AOPEP: variants seen among roughly 807,000 people sequenced by gnomAD.
The protein encoded by AOPEP is aminopeptidase O (putative), also known as aminopeptidase O.
AOPEP carries 77 observed loss-of-function variants against 98.1 expected under a neutral mutation model. The ratio of observed to expected loss-of-function variants is 0.78; its 90% CI spans 0.65 to 0.95. AOPEP has a LOEUF of 0.95. Among genes scored for constraint, AOPEP ranks in the 40% least tolerant of loss-of-function variants. The probability of loss-of-function intolerance (pLI) is 0.00; values close to 1 mark genes in which losing one functional copy is unlikely to be tolerated. For missense variants in AOPEP, 1,024 were observed against 1,024.7 expected, an observed-to-expected ratio of 1.00 and a Z score of 0.01; for synonymous variants, 346 against 365.3, an observed-to-expected ratio of 0.95 and a Z score of 0.60.
At chr9:94,997,309 C>A (rs1234225922) in intron 11 of AOPEP, among the ~76,000 whole-genome samples, 2 of 152,172 alleles carry the variant, frequency 1.3e-5, no homozygotes, top group Non-Finnish European at 2.9e-5. Context: ...ACCACCAGCC[C>A]ATCCTGCCCA....
intron 5 of AOPEP, among the ~76,000 whole-genome samples, chr9:94,817,675 G>A (rs1422816053): frequency 1.3e-5 from 2 of 152,202 alleles, no homozygotes; most frequent in African/African-American, 4.8e-5. Context: ...GTAAAAGTTG[G>A]GAACAGAAGT....
intron 7 of AOPEP, among the ~76,000 whole-genome samples, chr9:94,944,941 C>T (rs1243733011): frequency 1.3e-5 from 2 of 152,114 alleles, no homozygotes; most frequent in Non-Finnish European, 2.9e-5. Context: ...TGATGGAAAT[C>T]ATTTAATGTT....
chr9:94,748,769 C>G (rs1005994467), intron 1 of AOPEP, among the ~76,000 whole-genome samples: 1 of 152,120 alleles, frequency 6.6e-6, no homozygotes, highest in African/African-American at 2.4e-5. Context: ...TAGAATGTCC[C>G]TCAGTATGGG....
Position 94,925,474 on chromosome 9 carries a change from G to A in AOPEP, c.1554+1299G>A, listed in dbSNP as rs1190969071. Among the ~76,000 whole-genome samples the A allele has an allele frequency of 2.0e-5, 3 of 152,338 alleles. No individual in the cohort carries two copies. In the East Asian group the frequency reaches 5.8e-4, roughly 29 times the overall value. On this transcript the variant is annotated intron_variant, in intron 6 of 16. Coordinates refer to ENST00000375315, the MANE Select transcript of AOPEP (RefSeq NM_001193329.3). ...AGCTGGAGGTCACCTTCTCTAGCTA[G>A]CCCAGGCTGATTACCCGGCTCACAA...
intron 14 of AOPEP, among the ~76,000 whole-genome samples, chr9:95,079,140 AG>A (rs1318374242): frequency 1.6e-4 from 24 of 152,244 alleles, no homozygotes. Flanking sequence ...AGGGCCGCCC[AG>A]TGGAATTCCT....
chr9:95,139,596 G>T, the AOPEP span, among the ~76,000 whole-genome samples: 1 of 151,990 alleles, frequency 6.6e-6, no homozygotes, highest in Non-Finnish European at 1.5e-5. Context: ...TCTGTGTCCT[G>T]CGAGGGGTAT....
Position 94,972,419 on chromosome 9 carries a change from C to T in AOPEP, c.1916+4618C>T, listed in dbSNP as rs536531884. ...GCAGTCTCTCCTGGTGAAAGAGCCC[C>T]GTGGAACGCCTTATGCCAGTGTCCT... On this transcript the variant is annotated intron_variant, in intron 10 of 16. Transcript: ENST00000375315. The surrounding 1 kb of genome is among the most constrained non-coding windows in gnomAD (Gnocchi z 4.2). Among the ~76,000 whole-genome samples the T allele has an allele frequency of 7.9e-5, 12 of 152,256 alleles. No homozygotes were observed. The highest frequency in any genetic ancestry group is 2.2e-4 in the African/African-American group (9 of 41,528).
intron 13 of AOPEP, among the ~76,000 whole-genome samples, chr9:95,033,054 A>G (rs1164209596): frequency 6.6e-6 from 1 of 152,184 alleles, no homozygotes; most frequent in Non-Finnish European, 1.5e-5. Flanking sequence ...CACACCTGAC[A>G]TGGTTGGGGG....
intron 11 of AOPEP, among the ~76,000 whole-genome samples, chr9:94,995,274 C>G (rs529740261): frequency 1.7e-4 from 26 of 152,248 alleles, no homozygotes; most frequent in African/African-American, 6.3e-4. Flanking sequence ...GTTCAAAATA[C>G]CAGATAGACT....
In AOPEP at chr9:94,936,677, A is replaced by C. The variant is rs1011679461; in HGVS notation, c.1661+8146A>C. Among the ~76,000 whole-genome samples the C allele has an allele frequency of 1.4e-4, 21 of 152,304 alleles. No individual in the cohort carries two copies. The South Asian group carries it at 1.4e-3, about 11-fold the overall frequency. ...ATTCAGTTTAATTCTGACACTGTCCAGAGCATCAGATCCCACAGGGTGAGG... is the reference window on the plus strand; with the variant it reads ...ATTCAGTTTAATTCTGACACTGTCCCGAGCATCAGATCCCACAGGGTGAGG... On this transcript the variant is annotated intron_variant, in intron 7 of 16. Transcript: ENST00000375315.
the AOPEP span, chr9:95,123,611 C>A: frequency 1.7e-6 from 1 of 598,658 alleles, no homozygotes; most frequent in Non-Finnish European, 3.2e-6. Flanking sequence ...CCAATGTGTG[C>A]CCAAGGACAA....
At chr9:95,111,417 C>A in the AOPEP span, 2 of 1,600,316 alleles carry the variant, frequency 1.2e-6, no homozygotes, top group Non-Finnish European at 1.7e-6. Flanking sequence ...TCCTCTCAGC[C>A]CCCCAGAGCC....
chr9:95,094,250 G>A, the AOPEP span, among the ~76,000 whole-genome samples: 6 of 152,308 alleles, frequency 3.9e-5, no homozygotes, highest in East Asian at 1.2e-3. Flanking sequence ...CTGCAGTGGA[G>A]GGAGTGGGGT....
intron 10 of AOPEP, among the ~76,000 whole-genome samples, chr9:94,975,572 C>A (rs751077080): frequency 1.3e-5 from 2 of 152,188 alleles, no homozygotes; most frequent in Admixed American, 6.5e-5. Context: ...GCAGAGATTC[C>A]TGGGGCCCAC....
At chr9:94,906,799 T>C (rs2051212859) in intron 5 of AOPEP, among the ~76,000 whole-genome samples, 1 of 152,232 alleles carries the variant, frequency 6.6e-6, no homozygotes, top group African/African-American at 2.4e-5. Context: ...CATGGCAATG[T>C]AGGCTCTCAG....
intron 15 of AOPEP, chr9:95,081,028 G>A (rs1217189676): frequency 1.8e-5 from 9 of 508,412 alleles, no homozygotes; most frequent in African/African-American, 3.9e-5. Flanking sequence ...CCGATGCTGC[G>A]TGCTCACACT....
intron 13 of AOPEP, among the ~76,000 whole-genome samples, chr9:95,029,652 T>G (rs1253659013): frequency 6.6e-6 from 1 of 152,194 alleles, no homozygotes; most frequent in African/African-American, 2.4e-5. Context: ...CATTTGTTAT[T>G]TATATTTTGG....
the AOPEP span, among the ~76,000 whole-genome samples, chr9:95,138,598 T>G: frequency 6.6e-5 from 10 of 152,180 alleles, no homozygotes; most frequent in African/African-American, 2.4e-4. Flanking sequence ...TCAGGATCCA[T>G]GTAACACGAA....
rs1283797424 is a variant in AOPEP at position 94,980,097 on chromosome 9, T to G, written c.1977+670T>G. On this transcript the variant is annotated intron_variant, in intron 11 of 16. Transcript: ENST00000375315. This position sits in a 1 kb window ranked among gnomAD's most constrained non-coding sequence, Gnocchi z 4.3. ...AAACCTTTTCCTGGCCAGCCCTAGC[T>G]CTGTGGAAATCACCTGGCCTGGAGC... 6.6e-6 allele frequency among the ~76,000 whole-genome samples: 1 copy of G among 152,232 alleles called. No homozygotes were observed. Among genetic ancestry groups the G allele is most frequent in the African/African-American group, 2.4e-5 (1 of 41,448 alleles).
Sources: allele counts gnomAD v4.1 joint callset (sites outside exome capture counted in the v4.1 genomes callset), GRCh38; gene constraint gnomAD v4.1.1; non-coding constraint Gnocchi (gnomAD v3.1); transcripts MANE v1.5; gene names NCBI Gene and HGNC (gene_info 2026-07-23, HGNC 2026-07-21).